Variants in NLGN1 observed in about 807,000 individuals in gnomAD.
NLGN1 encodes the protein neuroligin 1, also known as neuroligin-1.
Under a neutral mutation model 65.5 loss-of-function variants are expected in NLGN1, and 12 were observed. The ratio of observed to expected loss-of-function variants is 0.18; its 90% CI spans 0.12 to 0.30. NLGN1 has a LOEUF of 0.30. Among genes scored for constraint, NLGN1 ranks in the 10% least tolerant of loss-of-function variants. NLGN1 has a pLI of 1.00. For missense variants in NLGN1, 750 were observed against 1,007.1 expected (o/e 0.74, Z 3.46); for synonymous variants, 350 against 359.5 (o/e 0.97, Z 0.30).
intron 3 of NLGN1, among the ~76,000 whole-genome samples, chr3:173,720,055 A>G (rs985817401): frequency 1.3e-5 from 2 of 152,184 alleles, no homozygotes; most frequent in African/African-American, 4.8e-5. Flanking sequence ...TTAAGGCTGC[A>G]GTGAGCTATG....
intron 4 of NLGN1, among the ~76,000 whole-genome samples, chr3:173,951,461 T>G (rs1163820409): frequency 6.6e-6 from 1 of 151,388 alleles, no homozygotes; most frequent in Admixed American, 6.6e-5. Flanking sequence ...ATCATTCTTT[T>G]TTTTTTTTTT....
chr3:173,629,743 C>G (rs1755380498), intron 3 of NLGN1, among the ~76,000 whole-genome samples: 1 of 151,534 alleles, frequency 6.6e-6, no homozygotes, highest in Non-Finnish European at 1.5e-5. Flanking sequence ...TCCTTGACAC[C>G]TTGTTTAATA....
chr3:173,694,189 T>C (rs1341584025), intron 3 of NLGN1, among the ~76,000 whole-genome samples: 2 of 152,110 alleles, frequency 1.3e-5, no homozygotes, highest in African/African-American at 4.8e-5. Flanking sequence ...CTCTCTCTCT[T>C]TGTCTTCTGA....
intron 2 of NLGN1, among the ~76,000 whole-genome samples, chr3:173,484,434 G>T (rs924356798): frequency 2.0e-5 from 3 of 152,010 alleles, no homozygotes; most frequent in African/African-American, 7.2e-5. Context: ...ATGTGTAAGA[G>T]AAATAATAAA....
At chr3:173,838,240 TCTA>T (rs1180536009) in intron 4 of NLGN1, among the ~76,000 whole-genome samples, 4 of 151,794 alleles carry the variant, frequency 2.6e-5, no homozygotes, top group Non-Finnish European at 5.9e-5. Flanking sequence ...GGTTTTATAA[TCTA>T]CTGTATAAAA....
chr3:173,863,985 ATGATGG>A (rs1206117916), intron 4 of NLGN1, among the ~76,000 whole-genome samples: 30 of 152,226 alleles, frequency 2.0e-4, no homozygotes, highest in African/African-American at 7.2e-4. Flanking sequence ...CCATATTTGG[ATGATGG>A]TGATGAGAGG....
At chr3:174,134,760 T>G (rs1029892243) in intron 4 of NLGN1, among the ~76,000 whole-genome samples, 5 of 152,154 alleles carry the variant, frequency 3.3e-5, no homozygotes, top group African/African-American at 1.2e-4. Context: ...AAGTAAGGAC[T>G]GGATCAATTT....
intron 2 of NLGN1, among the ~76,000 whole-genome samples, chr3:173,551,664 T>A (rs1232645599): frequency 1.3e-5 from 2 of 152,204 alleles, no homozygotes; most frequent in Non-Finnish European, 2.9e-5. Context: ...TTTTATGGAG[T>A]AATGTGAAAT....
intron 4 of NLGN1, among the ~76,000 whole-genome samples, chr3:174,039,446 C>G (rs1360447068): frequency 3.3e-5 from 5 of 151,890 alleles, no homozygotes; most frequent in Admixed American, 2.0e-4. Flanking sequence ...CCGACAGGCC[C>G]CAGTGTGTGA....
At chr3:174,234,841 A>T (rs1043668051) in intron 4 of NLGN1, among the ~76,000 whole-genome samples, 4 of 152,084 alleles carry the variant, frequency 2.6e-5, no homozygotes, top group African/African-American at 9.7e-5. Context: ...GTAAAACAAA[A>T]TTATATAGTT....
chr3:174,146,486 GTTTTAA>G (rs1392274937), intron 4 of NLGN1, among the ~76,000 whole-genome samples: 4 of 151,516 alleles, frequency 2.6e-5, no homozygotes, highest in African/African-American at 4.9e-5. Context: ...CGTGTTTTTA[GTTTTAA>G]TTTTAAAGAA....
At chr3:174,205,559 C>T (rs917536543) in intron 4 of NLGN1, among the ~76,000 whole-genome samples, 2 of 152,070 alleles carry the variant, frequency 1.3e-5, no homozygotes, top group Non-Finnish European at 1.5e-5. Context: ...GTCATAGTAT[C>T]TGTATATGTG....
chr3:173,889,289 C>G (rs929922463), intron 4 of NLGN1, among the ~76,000 whole-genome samples: 1 of 152,038 alleles, frequency 6.6e-6, no homozygotes, highest in Non-Finnish European at 1.5e-5. Flanking sequence ...TATGACAAGA[C>G]GGTTATTGGG....
chr3:173,893,128 C>T (rs1735666466), intron 4 of NLGN1, among the ~76,000 whole-genome samples: 1 of 152,090 alleles, frequency 6.6e-6, no homozygotes, highest in Non-Finnish European at 1.5e-5. Context: ...CACCTCAAAC[C>T]CAGCATATCT....
chr3:173,844,748 A>G (rs758507361), intron 4 of NLGN1, among the ~76,000 whole-genome samples: 1 of 152,246 alleles, frequency 6.6e-6, no homozygotes, highest in Non-Finnish European at 1.5e-5. Flanking sequence ...GCATAGTTCT[A>G]GACTTTTGCT....
chr3:173,400,811 G>C (rs1404338255), intron 1 of NLGN1, among the ~76,000 whole-genome samples: 1 of 152,174 alleles, frequency 6.6e-6, no homozygotes, highest in African/African-American at 2.4e-5. Flanking sequence ...TCTGAACATA[G>C]AGTCTACCAT....
At chr3:173,770,071 A>AAAATG (rs1280686993) in intron 3 of NLGN1, among the ~76,000 whole-genome samples, 1 of 152,188 alleles carries the variant, frequency 6.6e-6, no homozygotes, top group Non-Finnish European at 1.5e-5. Flanking sequence ...AGAGCTCTGG[A>AAAATG]AAATGTCCTA....
intron 4 of NLGN1, among the ~76,000 whole-genome samples, chr3:173,933,535 T>G (rs1744518228): frequency 6.6e-6 from 1 of 152,084 alleles, no homozygotes. Flanking sequence ...TGAGACACAG[T>G]TTATTTAGCT....
At chr3:174,194,217 G>T (rs997166139) in intron 4 of NLGN1, among the ~76,000 whole-genome samples, 10 of 152,078 alleles carry the variant, frequency 6.6e-5, no homozygotes, top group African/African-American at 2.2e-4. Flanking sequence ...CCAGCACTTT[G>T]GGAGGCTGAG....
Sources: gnomAD v4.1 joint callset for allele counts (sites outside exome capture counted in the v4.1 genomes callset) on GRCh38, gnomAD v4.1.1 for gene constraint, MANE v1.5 for transcripts, NCBI Gene and HGNC (gene_info 2026-07-23, HGNC 2026-07-21) for gene names.